Variants in DCDC1 observed in about 807,000 individuals in gnomAD.
The protein encoded by DCDC1 is doublecortin domain-containing protein 1.
A neutral mutation model predicts 178.3 loss-of-function variants in DCDC1; 200 were observed. The observed-to-expected ratio is 1.12, with a 90% CI of 1.00 to 1.26. DCDC1 has a LOEUF of 1.26. DCDC1 is among the 50% of genes most tolerant of loss of function. The pLI, the probability that DCDC1 is intolerant of heterozygous loss-of-function variation, is 0.00. For missense variants in DCDC1, 1,983 were observed against 1,749.2 expected, an observed-to-expected ratio of 1.13 and a Z score of -2.38; for synonymous variants, 690 against 604.8, an observed-to-expected ratio of 1.14 and a Z score of -2.07.
At chr11:30,963,149 C>G (rs948307581) in intron 20 of DCDC1, among the ~76,000 whole-genome samples, 3 of 152,064 alleles carry the variant, frequency 2.0e-5, no homozygotes, top group African/African-American at 7.2e-5. Context: ...TGCTGTCTCT[C>G]CCCAGCACCA....
intron 6 of DCDC1, among the ~76,000 whole-genome samples, chr11:31,304,422 C>A (rs1215734237): frequency 6.6e-6 from 1 of 151,956 alleles, no homozygotes; most frequent in Non-Finnish European, 1.5e-5. Context: ...ATTAAGGCAG[C>A]CAGCCATATT....
intron 12 of DCDC1, among the ~76,000 whole-genome samples, chr11:31,108,132 A>T (rs1376709441): frequency 6.6e-6 from 1 of 152,206 alleles, no homozygotes; most frequent in African/African-American, 2.4e-5. Flanking sequence ...CAGAAACTGC[A>T]TGTATAGGAT....
intron 12 of DCDC1, 150 bp from the exon 13 acceptor site, chr11:31,107,110 T>C: frequency 1.7e-6 from 1 of 597,078 alleles, no homozygotes; most frequent in Non-Finnish European, 3.0e-6. Flanking sequence ...AAGTGTGAAA[T>C]GACGGCAATG....
At chr11:31,064,699 A>T (rs771665429) in intron 19 of DCDC1, 73 bp from the exon 20 acceptor site, 2 of 727,622 alleles carry the variant, frequency 2.7e-6, no homozygotes, top group Non-Finnish European at 5.0e-6. Flanking sequence ...ACATGCCAAA[A>T]ATATAACACT....
At chr11:30,884,189 A>T (rs1351128818) in intron 36 of DCDC1, among the ~76,000 whole-genome samples, 2 of 151,802 alleles carry the variant, frequency 1.3e-5, no homozygotes, top group African/African-American at 2.4e-5. Context: ...GTGCACCACC[A>T]TGTCCGGCTA....
At chr11:31,310,960 C>T (rs1948736575) in intron 3 of DCDC1, among the ~76,000 whole-genome samples, 1 of 152,140 alleles carries the variant, frequency 6.6e-6, no homozygotes, top group African/African-American at 2.4e-5. Flanking sequence ...TAGTAGACTC[C>T]ATGCTTTTTG....
intron 1 of DCDC1, among the ~76,000 whole-genome samples, chr11:31,358,983 G>A (rs964620800): frequency 1.3e-5 from 2 of 152,198 alleles, no homozygotes; most frequent in Non-Finnish European, 2.9e-5. Flanking sequence ...TACACTGTTG[G>A]TGGGACTGTA....
At chr11:31,181,335 C>T (rs1042129887) in intron 9 of DCDC1, among the ~76,000 whole-genome samples, 2 of 152,202 alleles carry the variant, frequency 1.3e-5, no homozygotes, top group Admixed American at 6.5e-5. Flanking sequence ...AAGAGAGCAG[C>T]GGACTGCCCA....
intron 11 of DCDC1, among the ~76,000 whole-genome samples, chr11:31,110,972 G>T (rs1013040780): frequency 1.2e-5 from 1 of 83,148 alleles, no homozygotes; most frequent in Non-Finnish European, 2.4e-5. Context: ...TGTAACACTC[G>T]CTGGGGAAAA....
chr11:31,078,014 C>G (rs1356179746), intron 17 of DCDC1, 89 bp from the exon 18 acceptor site: 1 of 708,936 alleles, frequency 1.4e-6, no homozygotes, highest in Non-Finnish European at 2.6e-6. Context: ...TTCCAGATAG[C>G]CTGGCAGGAG....
At chr11:31,143,155 C>A (rs1444655337) in intron 9 of DCDC1, among the ~76,000 whole-genome samples, 1 of 151,840 alleles carries the variant, frequency 6.6e-6, no homozygotes, top group Non-Finnish European at 1.5e-5. Flanking sequence ...GACACATAAA[C>A]AATACAATCT....
Position 30,906,743 on chromosome 11 carries a change from G to C in DCDC1, c.3919-18C>G, listed in dbSNP as rs771155850. On this transcript the variant is annotated intron_variant, in intron 29 of 38. Transcript: ENST00000684477. Reference sequence around the variant, plus strand: ...CAGTATCCCTAAAATGGGAGACAAAGATGGCTTTATATAGGAGCATCTAAA... The same window carrying C: ...CAGTATCCCTAAAATGGGAGACAAACATGGCTTTATATAGGAGCATCTAAA... 13 of 1,607,196 alleles carry C rather than the reference G, an allele frequency of 8.1e-6. No homozygotes were observed. The Admixed American group carries it at 2.0e-4, about 25-fold the overall frequency.
Position 30,903,511 on chromosome 11 carries a change from T to C in DCDC1, c.4481A>G (p.Lys1494Arg), listed in dbSNP as rs34110661. ...CATACTTTCAACAATTATCTGTTCT[T>C]TTCCAACAGGAGCTGCATCTTGCTT... The part of the protein sequence containing the change: ...KQKQDAAPVG[K>R]EQIIVESMEE... Residue 1494 changes from lysine to arginine, a missense_variant, in exon 32 of 39, where the codon AAA (lysine) becomes AGA (arginine). Lys to Arg is a conservative substitution (Grantham distance 26). Transcript: ENST00000684477. 4,484 of 1,601,380 alleles carry C rather than the reference T, an allele frequency of 2.8e-3. 112 individuals are homozygous for C. In the African/African-American group the frequency reaches 0.051, roughly 18 times the overall value.
At chr11:31,187,540 T>C (rs908850784) in intron 9 of DCDC1, among the ~76,000 whole-genome samples, 4 of 152,176 alleles carry the variant, frequency 2.6e-5, no homozygotes, top group African/African-American at 9.7e-5. Context: ...ATCATAAAAA[T>C]GATTCTTTAA....
At chr11:30,936,670 G>T (rs1412366276) in intron 21 of DCDC1, among the ~76,000 whole-genome samples, 2 of 152,140 alleles carry the variant, frequency 1.3e-5, no homozygotes, top group Non-Finnish European at 2.9e-5. Flanking sequence ...GGCTCCAGTA[G>T]AAACACTGGG....
Position 31,307,854 on chromosome 11 carries a change from C to T in DCDC1, c.219G>A (p.Leu73=). The change falls in exon 4 of 39, where the codon TTG becomes TTA. Residue 73 remains leucine, a synonymous_variant. Transcript: ENST00000684477. The part of the protein sequence containing the change: ...KAVIKTTDDY[L]QSQFGPNRLV... ...GTCTGTTGGGGCCAAACTGAGACTG[C>T]AAATAATCATCAGTAGTTTTAATAA... 5 of 1,614,080 alleles carry T rather than the reference C, an allele frequency of 3.1e-6. No homozygotes were observed. Among genetic ancestry groups the T allele is most frequent in the Non-Finnish European group, 3.4e-6 (4 of 1,179,980 alleles).
chr11:31,067,508 T>C (rs557949173), intron 18 of DCDC1, among the ~76,000 whole-genome samples: 2 of 152,266 alleles, frequency 1.3e-5, no homozygotes, highest in African/African-American at 4.8e-5. Flanking sequence ...AAATGTGGAC[T>C]TTTCATACGG....
chr11:31,310,336 T>TTTTTTTTG (rs1948699616), intron 3 of DCDC1, among the ~76,000 whole-genome samples: 1 of 141,736 alleles, frequency 7.1e-6, no homozygotes. Flanking sequence ...TTTTTTTTTT[T>TTTTTTTTG]GAGATGGAGT....
At chr11:31,328,719 G>A (rs996611792) in intron 2 of DCDC1, among the ~76,000 whole-genome samples, 2 of 151,486 alleles carry the variant, frequency 1.3e-5, no homozygotes, top group Admixed American at 1.3e-4. Flanking sequence ...GCTGAGGCAG[G>A]AGAATGGCAG....
Sources: allele counts gnomAD v4.1 joint callset (sites outside exome capture counted in the v4.1 genomes callset), GRCh38; gene constraint gnomAD v4.1.1; transcripts MANE v1.5; gene names NCBI Gene and HGNC (gene_info 2026-07-23, HGNC 2026-07-21).